TNIP1: variants seen among roughly 807,000 people sequenced by gnomAD.
TNIP1 encodes TNFAIP3 interacting protein 1, also known as TNFAIP3-interacting protein 1.
A neutral mutation model predicts 86.6 loss-of-function variants in TNIP1; 22 were observed. The observed-to-expected ratio is 0.25, with a 90% CI of 0.18 to 0.36. The LOEUF (loss-of-function observed/expected upper bound fraction) is 0.36, where lower values mean the gene tolerates loss of function less well. Ranked by LOEUF, TNIP1 falls within the 10% of genes least tolerant of loss-of-function variation. TNIP1 has a pLI of 1.00. For missense variants in TNIP1, 709 were observed against 820.6 expected, an observed-to-expected ratio of 0.86 and a Z score of 1.66; for synonymous variants, 294 against 313.0, an observed-to-expected ratio of 0.94 and a Z score of 0.64.
chr5:151,070,940 A>G (rs1762756649), intron 1 of TNIP1, among the ~76,000 whole-genome samples: 1 of 151,798 alleles, frequency 6.6e-6, no homozygotes, highest in Non-Finnish European at 1.5e-5. Flanking sequence ...ACTCCGGGTG[A>G]CAGTGGTGTC....
rs117405981 is a variant in TNIP1, at chr5:151,079,128, G to A, written c.-37+1752C>T. 2.2e-4 allele frequency among the ~76,000 whole-genome samples: 33 copies of A among 152,214 alleles called. No individual in the cohort carries two copies. In the East Asian group the frequency reaches 3.7e-3, roughly 17 times the overall value. ...GTGTAGAACACTGCACACTCCCAGC[G>A]GCAGCTTCCAGAGGGGCATGATCAC... On this transcript the variant is annotated intron_variant, in intron 1 of 17. Coordinates refer to ENST00000521591, the MANE Select transcript of TNIP1 (RefSeq NM_006058.5).
chr5:151,059,905 ACCT>A lies in TNIP1; in HGVS notation c.435+410_435+412del, dbSNP rs556765285. 1.1e-3 allele frequency among the ~76,000 whole-genome samples: 153 copies of A among 141,184 alleles called. 1 individual carries two copies. Among genetic ancestry groups the A allele is most frequent in the South Asian group, 2.3e-3 (10 of 4,428 alleles). 92.6% of individuals were successfully genotyped at this position (141,184 alleles called of 152,430 possible). The stretch of plus-strand genomic sequence containing the variant: ...CGCATGCGTGTAAGTGGAAAGTTGA[ACCT>A]CCTTCCTGTGTGCTCCAAGAGTCTG... On this transcript the variant is annotated intron_variant, in intron 5 of 17. Transcript: ENST00000521591.
chr5:151,076,814 C>T (rs895189861), intron 1 of TNIP1, among the ~76,000 whole-genome samples: 4 of 152,138 alleles, frequency 2.6e-5, no homozygotes, highest in Non-Finnish European at 4.4e-5. Context: ...TCCCAGGGGT[C>T]GGGGTCACGC....
chr5:151,063,861 G>C (rs761612991), intron 2 of TNIP1, 114 bp from the exon 3 acceptor site: 168 of 1,334,832 alleles, frequency 1.3e-4, no homozygotes, highest in Non-Finnish European at 1.4e-4. Flanking sequence ...TCCAGGCCCT[G>C]GACTTCACTC....
intron 1 of TNIP1, among the ~76,000 whole-genome samples, chr5:151,086,921 G>GT (rs1764299823): frequency 6.6e-6 from 1 of 152,238 alleles, no homozygotes; most frequent in African/African-American, 2.4e-5. Context: ...CAAGACCTGG[G>GT]TGGGAAGAGC....
At chr5:151,071,316 T>C (rs1294763330) in intron 1 of TNIP1, among the ~76,000 whole-genome samples, 1 of 152,012 alleles carries the variant, frequency 6.6e-6, no homozygotes, top group Non-Finnish European at 1.5e-5. Flanking sequence ...ACACAGAGTC[T>C]CATATAGTAA....
intron 9 of TNIP1, among the ~76,000 whole-genome samples, chr5:151,043,209 T>C (rs1420476130): frequency 6.6e-6 from 1 of 152,218 alleles, no homozygotes; most frequent in Non-Finnish European, 1.5e-5. Flanking sequence ...TACATAGTTT[T>C]GGTGAATAAT....
At chr5:151,036,996 G>A (rs1019519536) in intron 12 of TNIP1, 75 bp from the exon 13 acceptor site, 1 of 1,498,082 alleles carries the variant, frequency 6.7e-7, no homozygotes, top group Non-Finnish European at 8.9e-7. Flanking sequence ...TCATCCTCAG[G>A]GAACTCCTTC....
At chr5:151,045,094 A>C (rs1288102990) in intron 9 of TNIP1, among the ~76,000 whole-genome samples, 1 of 151,718 alleles carries the variant, frequency 6.6e-6, no homozygotes, top group Non-Finnish European at 1.5e-5. Flanking sequence ...AGAGGTAGGT[A>C]GCTATTTTTT....
At chr5:151,062,257 A>G (rs1761671812) in intron 3 of TNIP1, 45 bp from the exon 4 acceptor site, 1 of 1,567,530 alleles carries the variant, frequency 6.4e-7, no homozygotes, top group South Asian at 1.1e-5. Context: ...GGAAGGGGAG[A>G]AGCCCAGGTA....
At chr5:151,086,117 T>A (rs889482484) in intron 1 of TNIP1, among the ~76,000 whole-genome samples, 1 of 152,174 alleles carries the variant, frequency 6.6e-6, no homozygotes, top group South Asian at 2.1e-4. Context: ...TCATTCCTGG[T>A]TCCAGAGTTT....
At chr5:151,035,815 G>A (rs937221935) in intron 13 of TNIP1, 108 bp from the exon 14 acceptor site, 16 of 1,460,322 alleles carry the variant, frequency 1.1e-5, no homozygotes, top group Non-Finnish European at 1.5e-5. Flanking sequence ...TGGCAGAGCT[G>A]GGGGTCGCCA....
At position 151,035,676 on chromosome 5, in the gene TNIP1, T is replaced by C. The variant is rs760216735; in HGVS notation, c.1427A>G (p.Glu476Gly). The change falls in exon 14 of 18, where the codon GAG (glutamate) becomes GGG (glycine). Residue 476 changes from glutamate to glycine, a missense_variant. Physicochemically the swap from Glu to Gly is moderately conservative, Grantham distance 98. Coordinates refer to ENST00000521591, the MANE Select transcript of TNIP1 (RefSeq NM_006058.5). ...VKIFEEDFQR[E>G]RSDRERMNEE... ...ATTCATGCGCTCACGATCACTGCGC[T>C]CCCTCTGGAAGTCCTCCTCGAAGAT... 6.2e-7 allele frequency: 1 copy of C among 1,614,108 alleles called. No individual in the cohort carries two copies.
At position 151,049,790 on chromosome 5, in the gene TNIP1, A is replaced by C. The variant is rs778913499; in HGVS notation, c.846+34T>G. 4 of 1,613,308 alleles carry C rather than the reference A, an allele frequency of 2.5e-6. No individual in the cohort carries two copies. In the African/African-American group the frequency reaches 5.3e-5, roughly 22 times the overall value. On this transcript the variant is annotated intron_variant, in intron 8 of 17. Transcript: ENST00000521591. ...AAGCAGAGGCTGAGTACCTGCAACC[A>C]AGGATGCTACAGAAGGAATTTCTGA...
chr5:151,076,410 G>T (rs1342495988), intron 1 of TNIP1, among the ~76,000 whole-genome samples: 2 of 152,234 alleles, frequency 1.3e-5, no homozygotes, highest in Non-Finnish European at 2.9e-5. Context: ...GAAACCAGGA[G>T]CTGCCAGAGC....
At chr5:151,072,609 G>A (rs1762938514) in intron 1 of TNIP1, among the ~76,000 whole-genome samples, 1 of 152,214 alleles carries the variant, frequency 6.6e-6, no homozygotes. Context: ...ATGACAGCCA[G>A]CCCTGAGGAC....
chr5:151,042,966 G>A lies in TNIP1; in HGVS notation c.937-5C>T. The A allele has an allele frequency of 1.9e-6, 3 of 1,614,110 alleles. No homozygotes were observed. The highest frequency in any genetic ancestry group is 1.7e-6 in the Non-Finnish European group (2 of 1,179,998). On this transcript the variant is annotated splice_polypyrimidine_tract_variant and splice_region_variant and intron_variant, in intron 9 of 17. Coordinates refer to ENST00000521591, the MANE Select transcript of TNIP1 (RefSeq NM_006058.5). ...CTGCTTGTTCACTTCCAGCAGCTGT[G>A]GGGAGAGACTGGAGTTAGCAGGAGA...
chr5:151,037,937 G>A (rs1338230612), intron 12 of TNIP1, among the ~76,000 whole-genome samples: 1 of 152,220 alleles, frequency 6.6e-6, no homozygotes, highest in Non-Finnish European at 1.5e-5. Context: ...TGAAAAGACT[G>A]AGGTCCAGCG....
At chr5:151,085,930 A>T (rs1322927676), upstream of TNIP1, among the ~76,000 whole-genome samples, 2 of 151,870 alleles carry the variant, frequency 1.3e-5, no homozygotes, top group African/African-American at 4.8e-5. Context: ...GTCCTCTCCC[A>T]CACCCTCTTC....
Sources: gnomAD v4.1 joint callset for allele counts (sites outside exome capture counted in the v4.1 genomes callset) on GRCh38, gnomAD v4.1.1 for gene constraint, MANE v1.5 for transcripts, NCBI Gene and HGNC (gene_info 2026-07-23, HGNC 2026-07-21) for gene names.